PSD3: variants seen among roughly 807,000 people sequenced by gnomAD.
PSD3 encodes the protein PH and SEC7 domain-containing protein 3.
Under a neutral mutation model 105.5 loss-of-function variants are expected in PSD3, and 49 were observed. The observed-to-expected ratio is 0.46, with a 90% confidence interval of 0.37 to 0.59. The LOEUF (loss-of-function observed/expected upper bound fraction) is 0.59. Among genes scored for constraint, PSD3 ranks in the 20% least tolerant of loss-of-function variants. The probability of loss-of-function intolerance (pLI) is 0.00; values close to 1 mark genes in which losing one functional copy is unlikely to be tolerated. For missense variants in PSD3, 1,561 were observed against 1,263.8 expected (o/e 1.24, Z -3.57); for synonymous variants, 557 against 457.8 (o/e 1.22, Z -2.77).
intron 15 of PSD3, among the ~76,000 whole-genome samples, chr8:18,552,185 C>G (rs1275521487): frequency 6.6e-6 from 1 of 152,138 alleles, no homozygotes. Flanking sequence ...TTAACCTGAC[C>G]TTCAGCAATT....
At chr8:18,752,731 T>A (rs1483744777) in intron 9 of PSD3, among the ~76,000 whole-genome samples, 1 of 131,292 alleles carries the variant, frequency 7.6e-6, no homozygotes, top group East Asian at 2.1e-4. Context: ...TGTCTAAGTC[T>A]ATACTGTATG....
At chr8:18,941,265 G>A (rs1239540352) in intron 1 of PSD3, among the ~76,000 whole-genome samples, 4 of 152,098 alleles carry the variant, frequency 2.6e-5, no homozygotes, top group Admixed American at 1.3e-4. Flanking sequence ...CTTAAATCTC[G>A]GCTCGATAGT....
chr8:18,601,374 C>G (rs1804429581), intron 11 of PSD3, among the ~76,000 whole-genome samples: 1 of 152,196 alleles, frequency 6.6e-6, no homozygotes, highest in South Asian at 2.1e-4. Context: ...GAGCCATTTA[C>G]TCATGCTCTT....
At chr8:18,844,377 C>A (rs533825147) in intron 4 of PSD3, among the ~76,000 whole-genome samples, 47 of 152,278 alleles carry the variant, frequency 3.1e-4, no homozygotes, top group African/African-American at 1.1e-3. Context: ...TACCTTCCAT[C>A]AGAAACTTTA....
At chr8:18,988,037 C>T (rs190205870) in intron 1 of PSD3, among the ~76,000 whole-genome samples, 16,649 of 150,194 alleles carry the variant, frequency 0.11, 1,105 homozygotes, top group Non-Finnish European at 0.16. Context: ...GCTAGATATA[C>T]TTGAATCCCT....
rs555808979 is a variant in PSD3 at position 18,885,744 on chromosome 8, T to C, written c.131-13011A>G. ...GACATAAACAATTGTCCCAAGTATA[T>C]CTAGAAATGCAAATTTTGCAGAGAG... is the stretch of plus-strand genomic sequence containing the variant. On this transcript the variant is annotated intron_variant, in intron 2 of 15. Transcript: ENST00000327040. 2.6e-5 allele frequency among the ~76,000 whole-genome samples: 4 copies of C among 152,282 alleles called. No homozygotes were observed. In the East Asian group the frequency reaches 7.7e-4, roughly 29 times the overall value.
chr8:18,676,195 G>A (rs1270765687), intron 9 of PSD3, among the ~76,000 whole-genome samples: 1 of 152,068 alleles, frequency 6.6e-6, no homozygotes, highest in Admixed American at 6.5e-5. Context: ...TGACAGCATG[G>A]ACCAGCATTT....
chr8:18,582,017 A>G (rs1195398849), intron 12 of PSD3, among the ~76,000 whole-genome samples: 1 of 152,206 alleles, frequency 6.6e-6, no homozygotes, highest in African/African-American at 2.4e-5. Context: ...GTCTGGGGGA[A>G]AGGAACAAAG....
Position 18,890,601 on chromosome 8 carries a change from C to T in PSD3, c.131-17868G>A, listed in dbSNP as rs537242647. 7.2e-5 allele frequency among the ~76,000 whole-genome samples: 11 copies of T among 152,238 alleles called. No homozygotes were observed. In the South Asian group the frequency reaches 2.3e-3, roughly 32 times the overall value. On this transcript the variant is annotated intron_variant, in intron 2 of 15. Transcript: ENST00000327040. The stretch of plus-strand genomic sequence containing the variant: ...ATACATACGACCCTCCCGGTAAGCT[C>T]GTTGGGAAACATACAGTATAAAAGG...
At chr8:19,083,469 A>T (rs1440083697) in intron 1 of PSD3, among the ~76,000 whole-genome samples, 1 of 152,296 alleles carries the variant, frequency 6.6e-6, no homozygotes, top group African/African-American at 2.4e-5. Context: ...AAGACCTTGG[A>T]GGCCACACAG....
At chr8:18,650,335 A>T (rs1808381406) in intron 10 of PSD3, among the ~76,000 whole-genome samples, 1 of 152,210 alleles carries the variant, frequency 6.6e-6, no homozygotes, top group Admixed American at 6.5e-5. Flanking sequence ...CTTAGACTGG[A>T]AATTTTTTAA....
intron 11 of PSD3, among the ~76,000 whole-genome samples, chr8:18,626,265 C>G (rs13268141): frequency 6.7e-6 from 1 of 149,494 alleles, no homozygotes; most frequent in Non-Finnish European, 1.5e-5. Context: ...AAAAAAGACA[C>G]CAAATCTTGA....
intron 2 of PSD3, among the ~76,000 whole-genome samples, chr8:18,878,196 C>T (rs1817860180): frequency 6.6e-6 from 1 of 151,872 alleles, no homozygotes. Context: ...CCCTAAGATT[C>T]TATTTCTTTT....
chr8:19,017,701 G>A (rs1178024693), upstream of PSD3, among the ~76,000 whole-genome samples: 1 of 152,100 alleles, frequency 6.6e-6, no homozygotes, highest in Admixed American at 6.5e-5. Flanking sequence ...TTATCATAAT[G>A]TTTTCAATGC....
At position 18,652,497 on chromosome 8, in the gene PSD3, T is replaced by TTTTTTTTTTTG. The variant is rs1478207169; in HGVS notation, c.2216+3144_2216+3145insCAAAAAAAAAA. Among the ~76,000 whole-genome samples, 43 of 142,050 alleles carry TTTTTTTTTTTG rather than the reference T, an allele frequency of 3.0e-4. No individual in the cohort carries two copies. In the East Asian group the frequency reaches 6.9e-3, roughly 23 times the overall value. The allele number at this position is 142,050 out of a possible 152,430, so 93.2% of individuals were successfully genotyped here. A position where few individuals can be genotyped will look rare whatever the true frequency, so the allele number is the denominator to read the frequency against. ...TTTTATCAAGGAAAAAGCTTAGTTTTTTTTTTTTTTTTTTTTTTGAGACCA... is the reference window on the plus strand; with the variant it reads ...TTTTATCAAGGAAAAAGCTTAGTTTTTTTTTTTTTTGTTTTTTTTTTTTTTTTTTGAGACCA... On this transcript the variant is annotated intron_variant, in intron 10 of 15. Transcript: ENST00000327040.
chr8:18,534,986 C>G lies in PSD3; in HGVS notation c.*757G>C, dbSNP rs970858383. 6.6e-6 allele frequency: 1 copy of G among 152,642 alleles called. No homozygotes were observed. The highest frequency in any genetic ancestry group is 2.4e-5 in the African/African-American group (1 of 41,446). 9.5% of individuals were successfully genotyped at this position (152,642 alleles called of 1,614,324 possible). Reference sequence around the variant, plus strand: ...CTCCTCAAGGGCCGATTATTGCCCCCATCCTTTAGCAAACAAAATTAACTG... The same window carrying G: ...CTCCTCAAGGGCCGATTATTGCCCCGATCCTTTAGCAAACAAAATTAACTG... On this transcript the variant is annotated 3_prime_UTR_variant, in exon 16 of 16. Transcript: ENST00000327040.
chr8:18,754,667 T>C (rs1021533327), intron 9 of PSD3, among the ~76,000 whole-genome samples: 2 of 152,090 alleles, frequency 1.3e-5, no homozygotes, highest in Admixed American at 6.6e-5. Flanking sequence ...TGTGTGAAAT[T>C]TGTGAGGTCA....
At chr8:19,014,355 C>G (rs1007858478), upstream of PSD3, 1 of 152,304 alleles carries the variant, frequency 6.6e-6, no homozygotes, top group Non-Finnish European at 1.5e-5. This position sits in a 1 kb window ranked among gnomAD's most constrained non-coding sequence, Gnocchi z 4.9. Flanking sequence ...CCCCAGGCGC[C>G]CCGCAGCCTG....
At chr8:18,879,519 C>A (rs979163700) in intron 2 of PSD3, among the ~76,000 whole-genome samples, 1 of 152,192 alleles carries the variant, frequency 6.6e-6, no homozygotes, top group African/African-American at 2.4e-5. Context: ...TTCTAGTCTT[C>A]TGTCTCTCAG....
Sources: allele counts gnomAD v4.1 joint callset (sites outside exome capture counted in the v4.1 genomes callset), GRCh38; gene constraint gnomAD v4.1.1; non-coding constraint Gnocchi (gnomAD v3.1); transcripts MANE v1.5; gene names NCBI Gene and HGNC (gene_info 2026-07-23, HGNC 2026-07-21).